SPAG16: variants seen among roughly 807,000 people sequenced by gnomAD.
SPAG16 encodes the protein sperm associated antigen 16.
SPAG16 carries 86 observed loss-of-function variants against 80.4 expected under a neutral mutation model. The observed-to-expected ratio is 1.07, with a 90% CI of 0.90 to 1.28. The LOEUF is 1.28. Ranked by LOEUF, SPAG16 falls within the 50% of genes most tolerant of loss-of-function variation. The pLI is 0.00. For missense variants in SPAG16, 870 were observed against 765.3 expected (o/e 1.14, Z -1.61); for synonymous variants, 294 against 265.9 (o/e 1.11, Z -1.03).
intron 10 of SPAG16, among the ~76,000 whole-genome samples, chr2:213,781,876 T>G (rs1181574966): frequency 6.6e-6 from 1 of 152,214 alleles, no homozygotes; most frequent in African/African-American, 2.4e-5. Flanking sequence ...TTTAAATTAC[T>G]GTTTAAGATC....
chr2:213,863,613 T>A (rs529461213), intron 11 of SPAG16, among the ~76,000 whole-genome samples: 1 of 152,082 alleles, frequency 6.6e-6, no homozygotes, highest in Non-Finnish European at 1.5e-5. Context: ...GTATCCAGTA[T>A]ATAAATTAAA....
intron 14 of SPAG16, among the ~76,000 whole-genome samples, chr2:214,124,152 A>T (rs2054359418): frequency 6.6e-6 from 1 of 152,052 alleles, no homozygotes; most frequent in African/African-American, 2.4e-5. Context: ...GACACAACAA[A>T]ATTTATTTTC....
At chr2:213,905,747 G>T (rs1302246703) in intron 11 of SPAG16, among the ~76,000 whole-genome samples, 1 of 152,164 alleles carries the variant, frequency 6.6e-6, no homozygotes, top group Non-Finnish European at 1.5e-5. Context: ...GGGAAGGATG[G>T]CAGGGAGAGG....
intron 15 of SPAG16, among the ~76,000 whole-genome samples, chr2:214,352,554 T>TTCTC (rs1422655238): frequency 1.2e-3 from 17 of 13,888 alleles, no homozygotes; most frequent in African/African-American, 1.8e-3. Context: ...TTGACTTTTT[T>TTCTC]TCTCTGTGTG....
chr2:213,402,840 G>C (rs564445217), intron 9 of SPAG16, among the ~76,000 whole-genome samples: 23 of 152,300 alleles, frequency 1.5e-4, no homozygotes, highest in Non-Finnish European at 3.1e-4. Context: ...TGGACATTTA[G>C]GTTGGTTCCA....
At position 213,855,647 on chromosome 2, in the gene SPAG16, G is replaced by A. The variant is rs762911437; in HGVS notation, c.1071-6838G>A. ...ACAGTTCTGCATGGCTGGGGAGACC[G>A]CAGGAAATTCACAATCATGGCAGAA... On this transcript the variant is annotated intron_variant, in intron 10 of 15. Coordinates refer to ENST00000331683, the MANE Select transcript of SPAG16 (RefSeq NM_024532.5). 7.9e-5 allele frequency among the ~76,000 whole-genome samples: 12 copies of A among 152,262 alleles called. No homozygotes were observed. In the South Asian group the frequency reaches 1.0e-3, roughly 13 times the overall value.
At chr2:214,404,575 C>A (rs1443306560) in intron 15 of SPAG16, among the ~76,000 whole-genome samples, 4 of 152,124 alleles carry the variant, frequency 2.6e-5, no homozygotes, top group Admixed American at 6.5e-5. Context: ...TTTTGAGAAT[C>A]ATTTCAGTGG....
intron 14 of SPAG16, among the ~76,000 whole-genome samples, chr2:214,137,407 CAT>C (rs1470538934): frequency 6.6e-6 from 1 of 151,876 alleles, no homozygotes; most frequent in Non-Finnish European, 1.5e-5. Context: ...TATAATTATA[CAT>C]GTTATAGTTT....
At chr2:213,557,674 A>G (rs945023851) in intron 10 of SPAG16, among the ~76,000 whole-genome samples, 2 of 152,164 alleles carry the variant, frequency 1.3e-5, no homozygotes, top group Non-Finnish European at 2.9e-5. Context: ...GCTGGTCTAG[A>G]ATTCCTGGGC....
chr2:213,777,368 T>C lies in SPAG16; in HGVS notation c.1071-85117T>C, dbSNP rs548806831. Among the ~76,000 whole-genome samples, 13 of 150,306 alleles carry C rather than the reference T, an allele frequency of 8.6e-5. No individual in the cohort carries two copies. In the South Asian group the frequency reaches 2.8e-3, roughly 32 times the overall value. ...TTCAAGAGATTCTCCCACCTCAGCT[T>C]CCTGAGTAGCTGGGATTACAGTCAT... On this transcript the variant is annotated intron_variant, in intron 10 of 15. Coordinates refer to ENST00000331683, the MANE Select transcript of SPAG16 (RefSeq NM_024532.5).
chr2:213,437,378 A>C lies in SPAG16; in HGVS notation c.943-52585A>C, dbSNP rs548210602. On this transcript the variant is annotated intron_variant, in intron 9 of 15. Transcript: ENST00000331683. ...TATCCCATTTTTGAAAATAACTTTTAACGGGTTAAATAATGAAACGGCTTC... is the reference window on the plus strand; with the variant it reads ...TATCCCATTTTTGAAAATAACTTTTCACGGGTTAAATAATGAAACGGCTTC... 2.6e-5 allele frequency among the ~76,000 whole-genome samples: 4 copies of C among 152,344 alleles called. No homozygotes were observed. In the South Asian group the frequency reaches 8.3e-4, roughly 32 times the overall value.
chr2:213,407,477 C>T (rs954740323), intron 9 of SPAG16, among the ~76,000 whole-genome samples: 4 of 151,924 alleles, frequency 2.6e-5, no homozygotes, highest in South Asian at 4.2e-4. Context: ...TTGAGCCTTC[C>T]GCTAATTTCA....
chr2:213,650,443 G>T (rs1394974078), intron 10 of SPAG16, among the ~76,000 whole-genome samples: 1 of 152,120 alleles, frequency 6.6e-6, no homozygotes. Context: ...TCTTTCATCT[G>T]ATTCACACTC....
At chr2:214,129,775 A>T (rs768918985) in intron 14 of SPAG16, among the ~76,000 whole-genome samples, 1 of 152,168 alleles carries the variant, frequency 6.6e-6, no homozygotes, top group Non-Finnish European at 1.5e-5. Context: ...TTTCAGAAAT[A>T]TATTGATAAT....
At chr2:213,504,911 C>T (rs1011928719) in intron 10 of SPAG16, among the ~76,000 whole-genome samples, 1 of 152,120 alleles carries the variant, frequency 6.6e-6, no homozygotes, top group East Asian at 1.9e-4. Context: ...ACAGACTTGC[C>T]CAGATTGGCA....
intron 14 of SPAG16, among the ~76,000 whole-genome samples, chr2:214,116,604 C>T (rs1372132889): frequency 6.6e-6 from 1 of 152,078 alleles, no homozygotes; most frequent in African/African-American, 2.4e-5. Context: ...GGACACAGTT[C>T]CACTGCGCAG....
chr2:213,852,508 G>A (rs1413735559), intron 10 of SPAG16, among the ~76,000 whole-genome samples: 1 of 152,012 alleles, frequency 6.6e-6, no homozygotes, highest in African/African-American at 2.4e-5. Context: ...GTTCTCTTCA[G>A]TCACCTCGGC....
intron 15 of SPAG16, among the ~76,000 whole-genome samples, chr2:214,216,855 A>G (rs1402167124): frequency 6.6e-6 from 1 of 152,238 alleles, no homozygotes; most frequent in Non-Finnish European, 1.5e-5. Context: ...TTATTCTTTC[A>G]TTGGAGGCAG....
chr2:213,312,401 TA>T (rs939310788), intron 4 of SPAG16, among the ~76,000 whole-genome samples: 1 of 151,658 alleles, frequency 6.6e-6, no homozygotes, highest in African/African-American at 2.4e-5. Context: ...CTAATTCCAG[TA>T]CCCTTACCTG....
Sources: allele counts gnomAD v4.1 joint callset (sites outside exome capture counted in the v4.1 genomes callset), GRCh38; gene constraint gnomAD v4.1.1; transcripts MANE v1.5; gene names NCBI Gene and HGNC (gene_info 2026-07-23, HGNC 2026-07-21).